The following TIRAP variants were observed in gnomAD, a reference collection of about 807,000 sequenced individuals.
TIRAP encodes toll/interleukin-1 receptor domain-containing adapter protein.
Under a neutral mutation model 19.8 loss-of-function variants are expected in TIRAP, and 20 were observed. The ratio of observed to expected loss-of-function variants is 1.01; its 90% CI spans 0.71 to 1.47. TIRAP has a LOEUF of 1.47. Ranked by LOEUF, TIRAP falls within the 40% of genes most tolerant of loss-of-function variation. The probability of loss-of-function intolerance (pLI) is 0.00; values close to 1 mark genes in which losing one functional copy is unlikely to be tolerated. For synonymous variants in TIRAP, 125 were observed against 121.7 expected, an observed-to-expected ratio of 1.03 and a Z score of -0.18; for missense variants, 276 against 285.1, an observed-to-expected ratio of 0.97 and a Z score of 0.23.
Position 126,291,618 on chromosome 11 carries a change from T to C in TIRAP, c.67+657T>C, listed in dbSNP as rs555918042. 3 of 436,964 alleles carry C rather than the reference T, an allele frequency of 6.9e-6. No homozygotes were observed. The highest frequency in any genetic ancestry group is 4.1e-5 in the African/African-American group (2 of 49,346). The allele number at this position is 436,964 out of a possible 1,614,324, so 27.1% of individuals were successfully genotyped here. A position where few individuals can be genotyped will look rare whatever the true frequency, so the allele number is the denominator to read the frequency against. On this transcript the variant is annotated intron_variant, in intron 3 of 4. Transcript: ENST00000392679. This position sits in a 1 kb window ranked among gnomAD's most constrained non-coding sequence, Gnocchi z 5.6. ...TCTGCTCCTCAGCAACTCTGAGCAG[T>C]AGCCTCTTCCCCATTTAGCGACAAT...
rs8177350 is a variant in TIRAP at position 126,283,505 on chromosome 11, G to A, written c.-217+352G>A. ...TTCTCCTCACGTTCTTCTCTGCTCC[G>A]GTCACAGCCTCTTCCTCTGCTCTTC... is the stretch of plus-strand genomic sequence containing the variant. On this transcript the variant is annotated intron_variant, in intron 1 of 4. Coordinates refer to ENST00000392679, the MANE Select transcript of TIRAP (RefSeq NM_001318777.2). Among the ~76,000 whole-genome samples, 477 of 152,348 alleles carry A rather than the reference G, an allele frequency of 3.1e-3. 1 individual carries two copies. The highest frequency in any genetic ancestry group is 0.011 in the African/African-American group (455 of 41,582).
Position 126,290,426 on chromosome 11 carries a change from G to A in TIRAP, c.-216-36G>A. 1 of 988,518 alleles carries A rather than the reference G, an allele frequency of 1.0e-6. No individual in the cohort carries two copies. The highest frequency in any genetic ancestry group is 1.2e-6 in the Non-Finnish European group (1 of 832,046). The allele number at this position is 988,518 out of a possible 1,614,324, so 61.2% of individuals were successfully genotyped here. ...TGTCTATCTGGATACATAATTATTT[G>A]TCCAAATAGCAACTGTCCTTCTTCT... is the stretch of plus-strand genomic sequence containing the variant. On this transcript the variant is annotated intron_variant, in intron 1 of 4. Coordinates refer to ENST00000392679, the MANE Select transcript of TIRAP (RefSeq NM_001318777.2). This position sits in a 1 kb window ranked among gnomAD's most constrained non-coding sequence, Gnocchi z 4.9.
intron 1 of TIRAP, chr11:126,289,533 C>A: frequency 1.9e-6 from 1 of 537,048 alleles, no homozygotes; most frequent in Non-Finnish European, 2.4e-6. Flanking sequence ...CCGCCTTGGC[C>A]TCCCAAAATG....
chr11:126,283,825 G>T (rs1217149371), intron 1 of TIRAP, among the ~76,000 whole-genome samples: 2 of 152,168 alleles, frequency 1.3e-5, no homozygotes, highest in Non-Finnish European at 2.9e-5. Flanking sequence ...GACTCAGAGG[G>T]AACCACATCT....
rs1014229557 is a variant in TIRAP, at chr11:126,291,025, C to T, written c.67+64C>T. 27 of 1,528,272 alleles carry T rather than the reference C, an allele frequency of 1.8e-5. No homozygotes were observed. Among genetic ancestry groups the T allele is most frequent in the South Asian group, 1.2e-4 (10 of 82,788 alleles). The allele number at this position is 1,528,272 out of a possible 1,614,324, so 94.7% of individuals were successfully genotyped here. A position where few individuals can be genotyped will look rare whatever the true frequency, so the allele number is the denominator to read the frequency against. ...AGTGTAGTGCTCAGCCTCCATAGGG[C>T]GCGGTGGGAGGCCTGCCTGGTCCAA... is the stretch of plus-strand genomic sequence containing the variant. On this transcript the variant is annotated intron_variant, in intron 3 of 4. Coordinates refer to ENST00000392679, the MANE Select transcript of TIRAP (RefSeq NM_001318777.2). This position sits in a 1 kb window ranked among gnomAD's most constrained non-coding sequence, Gnocchi z 5.6.
chr11:126,286,945 G>T (rs369210842), intron 1 of TIRAP, among the ~76,000 whole-genome samples: 6 of 152,156 alleles, frequency 3.9e-5, no homozygotes, highest in African/African-American at 1.4e-4. Flanking sequence ...TCCCACTGCC[G>T]CCTGCTTCCC....
chr11:126,293,608 T>C (rs1951435368), intron 4 of TIRAP, 60 bp from the exon 5 acceptor site: 10 of 1,602,172 alleles, frequency 6.2e-6, no homozygotes, highest in Admixed American at 1.7e-5. Context: ...GCAGGACCTG[T>C]TGGGGAAAAC....
Position 126,290,062 on chromosome 11 carries a change from A to G in TIRAP, c.-216-400A>G, listed in dbSNP as rs1951362418. Among the ~76,000 whole-genome samples, 1 of 152,178 alleles carries G rather than the reference A, an allele frequency of 6.6e-6. No individual in the cohort carries two copies. The highest frequency in any genetic ancestry group is 1.5e-5 in the Non-Finnish European group (1 of 68,040). ...TTATTTTATATACATAGTAGCCCAC[A>G]TTTTCTAAGCATTTATTACATGCCA... On this transcript the variant is annotated intron_variant, in intron 1 of 4. Transcript: ENST00000392679. This position sits in a 1 kb window ranked among gnomAD's most constrained non-coding sequence, Gnocchi z 4.9.
rs932342115 is a variant in TIRAP, at chr11:126,287,486, A to G, written c.-216-2976A>G. Among the ~76,000 whole-genome samples, 13 of 150,896 alleles carry G rather than the reference A, an allele frequency of 8.6e-5. No homozygotes were observed. The highest frequency in any genetic ancestry group is 1.5e-4 in the Non-Finnish European group (10 of 67,932). Reference sequence around the variant, plus strand: ...CAGGCACGCACCACCACGCTTAGCTAATTTTTGTATTTTTAGTAGAGACAG... The same window carrying G: ...CAGGCACGCACCACCACGCTTAGCTGATTTTTGTATTTTTAGTAGAGACAG... On this transcript the variant is annotated intron_variant, in intron 1 of 4. Coordinates refer to ENST00000392679, the MANE Select transcript of TIRAP (RefSeq NM_001318777.2). The surrounding 1 kb of genome is among the most constrained non-coding windows in gnomAD (Gnocchi z 4.2).
Position 126,290,878 on chromosome 11 carries a change from GT to G in TIRAP, c.-13del. 1.3e-6 allele frequency: 2 copies of G among 1,599,348 alleles called. No individual in the cohort carries two copies. The highest frequency in any genetic ancestry group is 1.7e-6 in the Non-Finnish European group (2 of 1,171,638). On this transcript the variant is annotated 5_prime_UTR_variant, in exon 3 of 5. It introduces an in-frame stop codon into an upstream open reading frame of the 5' UTR. Coordinates refer to ENST00000392679, the MANE Select transcript of TIRAP (RefSeq NM_001318777.2). The surrounding 1 kb of genome is among the most constrained non-coding windows in gnomAD (Gnocchi z 4.9). ...ACCAATGCCTGGTCTCACGGGGCTA[GT>G]TTTGACCCCCACGCTATGGCATCAT...
intron 1 of TIRAP, among the ~76,000 whole-genome samples, chr11:126,289,316 T>C (rs1951355824): frequency 6.6e-6 from 1 of 152,238 alleles, no homozygotes; most frequent in South Asian, 2.1e-4. Flanking sequence ...TTCGCTCTTG[T>C]TGCCCAGGCT....
Position 126,291,230 on chromosome 11 carries a change from G to C in TIRAP, c.67+269G>C, listed in dbSNP as rs1951380744. On this transcript the variant is annotated intron_variant, in intron 3 of 4. Coordinates refer to ENST00000392679, the MANE Select transcript of TIRAP (RefSeq NM_001318777.2). The surrounding 1 kb of genome is among the most constrained non-coding windows in gnomAD (Gnocchi z 5.6). ...TTCCTAGCCTGGAAACCACTGTGCT[G>C]AGTGCTTAACACTGTCTCTTGTCGT... The C allele has an allele frequency of 2.7e-5, 16 of 585,608 alleles. 1 individual carries two copies. In the South Asian group the frequency reaches 2.9e-4, roughly 11 times the overall value. 36.3% of individuals were successfully genotyped at this position (585,608 alleles called of 1,614,324 possible). A position where few individuals can be genotyped will look rare whatever the true frequency, so the allele number is the denominator to read the frequency against.
At position 126,294,135 on chromosome 11, in the gene TIRAP, A is replaced by T. The variant is rs571279461; in HGVS notation, c.*448A>T. The T allele has an allele frequency of 2.1e-4, 53 of 249,918 alleles. 1 individual carries two copies. The South Asian group carries it at 2.4e-3, about 11-fold the overall frequency. The allele number at this position is 249,918 out of a possible 1,614,324, so 15.5% of individuals were successfully genotyped here. A position where few individuals can be genotyped will look rare whatever the true frequency, so the allele number is the denominator to read the frequency against. On this transcript the variant is annotated 3_prime_UTR_variant, in exon 5 of 5. Coordinates refer to ENST00000392679, the MANE Select transcript of TIRAP (RefSeq NM_001318777.2). ...CCTAAAGAAGTGACTCACCTGACTG[A>T]TCAGCAAGAAGCCTAGATTGCAGGC...
Position 126,293,060 on chromosome 11 carries a change from G to A in TIRAP, c.646+5G>A, listed in dbSNP as rs565706730. 1 of 1,614,134 alleles carries A rather than the reference G, an allele frequency of 6.2e-7. No individual in the cohort carries two copies. The highest frequency in any genetic ancestry group is 1.3e-5 in the African/African-American group (1 of 75,054). On this transcript the variant is annotated splice_donor_5th_base_variant and intron_variant, in intron 4 of 4. Transcript: ENST00000392679. ...TCAAAGAAGCTGTCATGCGTTGTAA[G>A]CTACTACAGGAGGGAGAAGGGGAAC...
intron 1 of TIRAP, among the ~76,000 whole-genome samples, chr11:126,285,322 C>T (rs950436167): frequency 3.3e-5 from 5 of 150,808 alleles, no homozygotes; most frequent in Non-Finnish European, 7.4e-5. Flanking sequence ...AGTGCAATGG[C>T]GCAGTCTCAG....
Position 126,283,101 on chromosome 11 carries a change from C to G in TIRAP, c.-269C>G. ...GCGGGGCCTGCGCGCTGCTCTTCCCCGCGGAGCCCGCGCAGTCCGCGCAGC... is the reference window on the plus strand; with the variant it reads ...GCGGGGCCTGCGCGCTGCTCTTCCCGGCGGAGCCCGCGCAGTCCGCGCAGC... On this transcript the variant is annotated 5_prime_UTR_variant, in exon 1 of 5. Coordinates refer to ENST00000392679, the MANE Select transcript of TIRAP (RefSeq NM_001318777.2). The G allele has an allele frequency of 2.0e-6, 2 of 985,240 alleles. No individual in the cohort carries two copies. The highest frequency in any genetic ancestry group is 2.4e-6 in the Non-Finnish European group (2 of 829,870). The allele number at this position is 985,240 out of a possible 1,614,324, so 61.0% of individuals were successfully genotyped here. A position where few individuals can be genotyped will look rare whatever the true frequency, so the allele number is the denominator to read the frequency against.
At chr11:126,283,561 TG>T (rs1009737062) in intron 1 of TIRAP, among the ~76,000 whole-genome samples, 1 of 152,186 alleles carries the variant, frequency 6.6e-6, no homozygotes, top group Non-Finnish European at 1.5e-5. Context: ...ATTCAGCAAG[TG>T]CATAACATTA....
chr11:126,284,523 T>C (rs542284217), intron 1 of TIRAP, among the ~76,000 whole-genome samples: 44 of 152,334 alleles, frequency 2.9e-4, no homozygotes, highest in Non-Finnish European at 3.8e-4. Context: ...ATTTTGTATC[T>C]TGCTGCTACA....
Position 126,290,923 on chromosome 11 carries a change from C to G in TIRAP, c.29C>G (p.Pro10Arg), listed in dbSNP as rs377412443. ...GCATCATCGACCTCCCTCCCAGCTC[C>G]TGGCTCTCGGCCTAAGAAGCCTCTA... MASSTSLPA[P>R]GSRPKKPLGK... The change falls in exon 3 of 5, where the codon CCT (proline) becomes CGT (arginine). Residue 10 changes from proline (P) to arginine (R), a missense_variant. By Grantham distance (103) the Pro-to-Arg change is moderately radical. Coordinates refer to ENST00000392679, the MANE Select transcript of TIRAP (RefSeq NM_001318777.2). This position sits in a 1 kb window ranked among gnomAD's most constrained non-coding sequence, Gnocchi z 4.9. 7 of 1,607,508 alleles carry G rather than the reference C, an allele frequency of 4.4e-6. No individual in the cohort carries two copies. The African/African-American group carries it at 9.4e-5, about 21-fold the overall frequency.
Sources: allele counts gnomAD v4.1 joint callset (sites outside exome capture counted in the v4.1 genomes callset), GRCh38; gene constraint gnomAD v4.1.1; non-coding constraint Gnocchi (gnomAD v3.1); transcripts MANE v1.5; gene names NCBI Gene and HGNC (gene_info 2026-07-23, HGNC 2026-07-21).